SLC31A2: variants seen among roughly 807,000 people sequenced by gnomAD.
SLC31A2 encodes solute carrier family 31 member 2.
Under a neutral mutation model 14.4 loss-of-function variants are expected in SLC31A2, and 16 were observed. The ratio of observed to expected loss-of-function variants is 1.11; its 90% CI spans 0.75 to 1.69. The LOEUF is 1.69. Among genes scored for constraint, SLC31A2 ranks in the 40% most tolerant of loss-of-function variants. The pLI is 0.00. For synonymous variants in SLC31A2, 56 were observed against 68.7 expected, an observed-to-expected ratio of 0.82 and a Z score of 0.91; for missense variants, 140 against 173.9, an observed-to-expected ratio of 0.81 and a Z score of 1.10.
intron 2 of SLC31A2, among the ~76,000 whole-genome samples, chr9:113,159,562 A>C (rs905973804): frequency 3.9e-5 from 6 of 152,172 alleles, no homozygotes; most frequent in Admixed American, 3.3e-4. Context: ...GGGAAAAAAA[A>C]CCCAACTTTT....
chr9:113,153,374 T>G (rs929078067), intron 1 of SLC31A2, among the ~76,000 whole-genome samples: 3 of 152,156 alleles, frequency 2.0e-5, no homozygotes, highest in Admixed American at 1.3e-4. Flanking sequence ...GACCAGTCCC[T>G]ACTGGTTGAC....
chr9:113,151,067 C>A lies in SLC31A2; in HGVS notation c.-8C>A, dbSNP rs1015756566. On this transcript the variant is annotated 5_prime_UTR_variant, in exon 1 of 4. Transcript: ENST00000259392. The surrounding 1 kb of genome is among the most constrained non-coding windows in gnomAD (Gnocchi z 4.2). ...ACGCGGCCCTGGCGCCCGCCCTGCG[C>A]ACTCACCATGGCGGTAAGGGCCGGG... The A allele has an allele frequency of 7.6e-7, 1 of 1,309,556 alleles. No individual in the cohort carries two copies. The highest frequency in any genetic ancestry group is 9.8e-7 in the Non-Finnish European group (1 of 1,021,866). 81.1% of individuals were successfully genotyped at this position (1,309,556 alleles called of 1,614,324 possible).
chr9:113,162,902 TCTC>T lies in SLC31A2; in HGVS notation c.418_420del (p.Leu140del). On this transcript the variant is annotated inframe_deletion, in exon 4 of 4. Coordinates refer to ENST00000259392, the MANE Select transcript of SLC31A2 (RefSeq NM_001860.3). ...TGGGCTACTACCTAGCTTACCCACT[TCTC>T]AGCACAGCTTAGCTGGTGAGGAACG... The T allele has an allele frequency of 6.2e-7, 1 of 1,610,734 alleles. No individual in the cohort carries two copies.
chr9:113,156,135 C>T, intron 1 of SLC31A2: 1 of 518,378 alleles, frequency 1.9e-6, no homozygotes, highest in Non-Finnish European at 3.8e-6. Flanking sequence ...CCTTTCCACC[C>T]CCACACTGAC....
intron 1 of SLC31A2, among the ~76,000 whole-genome samples, chr9:113,155,257 C>T (rs1829919428): frequency 6.6e-6 from 1 of 152,234 alleles, no homozygotes; most frequent in Admixed American, 6.5e-5. Flanking sequence ...GCCCCTTGGA[C>T]TTCCAGTGCT....
intron 1 of SLC31A2, among the ~76,000 whole-genome samples, chr9:113,155,384 C>G (rs754704826): frequency 3.3e-5 from 5 of 152,230 alleles, no homozygotes; most frequent in Non-Finnish European, 5.9e-5. Context: ...CCTTAGTAGT[C>G]TCATCTATGA....
chr9:113,156,267 A>G, intron 1 of SLC31A2: 2 of 420,690 alleles, frequency 4.8e-6, no homozygotes, highest in South Asian at 1.7e-5. Flanking sequence ...ACCCGCTTAT[A>G]AGGAGGTCCG....
At position 113,162,930 on chromosome 9, in the gene SLC31A2, G is replaced by A. The variant is rs371433205; in HGVS notation, c.*13G>A. ...CAGCACAGCTTAGCTGGTGAGGAAC[G>A]TGCAGGCACTGAGGCTGGAGGGACA... On this transcript the variant is annotated 3_prime_UTR_variant, in exon 4 of 4. Transcript: ENST00000259392. 494 of 1,587,686 alleles carry A rather than the reference G, an allele frequency of 3.1e-4. No homozygotes were observed. Among genetic ancestry groups the A allele is most frequent in the Non-Finnish European group, 4.0e-4 (462 of 1,166,940 alleles).
chr9:113,157,030 A>ATCTTTTTCT (rs1354180804), intron 1 of SLC31A2, among the ~76,000 whole-genome samples: 3 of 152,190 alleles, frequency 2.0e-5, no homozygotes, highest in Non-Finnish European at 4.4e-5. Flanking sequence ...ATGATGTAGA[A>ATCTTTTTCT]AAAGCCCTTG....
At position 113,151,393 on chromosome 9, in the gene SLC31A2, CGGCCCCGGACCTCT is replaced by C. The variant is rs1829863260; in HGVS notation, c.6+318_6+331del. On this transcript the variant is annotated intron_variant, in intron 1 of 3. Transcript: ENST00000259392. This position sits in a 1 kb window ranked among gnomAD's most constrained non-coding sequence, Gnocchi z 4.2. ...TGAAGACAGCTGGGTCCGGGGCCCC[CGGCCCCGGACCTCT>C]GGCCGGCGCCCCAGGGCGGAGAGCA... Among the ~76,000 whole-genome samples, 1 of 151,786 alleles carries C rather than the reference CGGCCCCGGACCTCT, an allele frequency of 6.6e-6. No individual in the cohort carries two copies. The highest frequency in any genetic ancestry group is 1.5e-5 in the Non-Finnish European group (1 of 67,900).
intron 2 of SLC31A2, 38 bp downstream of exon 2, chr9:113,157,831 C>T (rs1044620037): frequency 6.7e-7 from 1 of 1,498,720 alleles, no homozygotes; most frequent in Non-Finnish European, 9.3e-7. Context: ...GCTTGGAAAG[C>T]CTTGTAGTAC....
At chr9:113,156,797 T>C (rs1453036485) in intron 1 of SLC31A2, among the ~76,000 whole-genome samples, 1 of 152,214 alleles carries the variant, frequency 6.6e-6, no homozygotes, top group African/African-American at 2.4e-5. Flanking sequence ...CAGCTCCCAC[T>C]GTACCCTCCT....
At chr9:113,161,395 G>C (rs908286218) in intron 2 of SLC31A2, 114 bp from the exon 3 acceptor site, 6 of 931,448 alleles carry the variant, frequency 6.4e-6, no homozygotes, top group Non-Finnish European at 1.0e-5. Context: ...GCAAGGGTGG[G>C]GAAGAAGGTG....
intron 1 of SLC31A2, among the ~76,000 whole-genome samples, chr9:113,156,362 C>T (rs1389188852): frequency 1.3e-5 from 2 of 152,178 alleles, no homozygotes; most frequent in South Asian, 2.1e-4. Context: ...GCCAGATCAG[C>T]ATTTTTCAAA....
intron 3 of SLC31A2, 128 bp downstream of exon 3, chr9:113,161,826 CA>C: frequency 1.9e-6 from 2 of 1,035,360 alleles, no homozygotes; most frequent in South Asian, 2.7e-5. Context: ...CAGGACTTGC[CA>C]AAGTGGCTAC....
Position 113,162,824 on chromosome 9 carries a change from C to A in SLC31A2, c.339C>A (p.Ala113=). The A allele has an allele frequency of 1.2e-6, 2 of 1,613,484 alleles. No homozygotes were observed. The highest frequency in any genetic ancestry group is 1.7e-6 in the Non-Finnish European group (2 of 1,179,734). Residue 113 remains alanine (A), a synonymous_variant, in exon 4 of 4, where the codon GCC becomes GCA. Coordinates refer to ENST00000259392, the MANE Select transcript of SLC31A2 (RefSeq NM_001860.3). ...QVVIGYFIML[A]VMSYNTWIFL... Reference sequence around the variant, plus strand: ...TCATCGGCTACTTCATCATGCTGGCCGTAATGTCCTACAACACCTGGATTT... The same window carrying A: ...TCATCGGCTACTTCATCATGCTGGCAGTAATGTCCTACAACACCTGGATTT...
At chr9:113,156,290 C>T (rs1366838086) in intron 1 of SLC31A2, 4 of 411,856 alleles carry the variant, frequency 9.7e-6, no homozygotes, top group African/African-American at 4.1e-5. Context: ...AAATCCTTTT[C>T]CCTCTTCATA....
Position 113,151,129 on chromosome 9 carries a change from C to T in SLC31A2, c.6+49C>T, listed in dbSNP as rs1399648158. On this transcript the variant is annotated intron_variant, in intron 1 of 3. Transcript: ENST00000259392. The surrounding 1 kb of genome is among the most constrained non-coding windows in gnomAD (Gnocchi z 4.2). ...AGAGGGTGGGCGGTTGGGGCGGGGT[C>T]TCCTGGAGCTGCCATCTCGGCACCC... 7 of 1,285,828 alleles carry T rather than the reference C, an allele frequency of 5.4e-6. No individual in the cohort carries two copies. Among genetic ancestry groups the T allele is most frequent in the Admixed American group, 3.5e-5 (1 of 28,938 alleles). 79.7% of individuals were successfully genotyped at this position (1,285,828 alleles called of 1,614,324 possible).
intron 1 of SLC31A2, among the ~76,000 whole-genome samples, chr9:113,154,916 G>C (rs532241454): frequency 6.6e-6 from 1 of 152,166 alleles, no homozygotes; most frequent in Non-Finnish European, 1.5e-5. Context: ...CCAGCTATTG[G>C]CTGAACATCC....
Sources: allele counts gnomAD v4.1 joint callset (sites outside exome capture counted in the v4.1 genomes callset), GRCh38; gene constraint gnomAD v4.1.1; non-coding constraint Gnocchi (gnomAD v3.1); transcripts MANE v1.5; gene names NCBI Gene and HGNC (gene_info 2026-07-23, HGNC 2026-07-21).